The following ATXN7L1 variants were observed in gnomAD, a reference collection of about 807,000 sequenced individuals.
ATXN7L1 encodes ataxin 7 like 1.
A neutral mutation model predicts 70.8 loss-of-function variants in ATXN7L1; 15 were observed. The ratio of observed to expected loss-of-function variants is 0.21; its 90% confidence interval spans 0.14 to 0.33. The LOEUF is 0.33. Among genes scored for constraint, ATXN7L1 ranks in the 10% least tolerant of loss-of-function variants. The pLI is 1.00. For synonymous variants in ATXN7L1, 440 were observed against 445.1 expected, an observed-to-expected ratio of 0.99 and a Z score of 0.14; for missense variants, 975 against 1,097.1, an observed-to-expected ratio of 0.89 and a Z score of 1.57.
At position 105,846,357 on chromosome 7, in the gene ATXN7L1, T is replaced by C. The variant is rs74810802; in HGVS notation, c.250+29455A>G. ...TGGCCAATAGGTGCCATCAAGCACA[T>C]TAAAAGATGGTCAACATCATGTAGT... On this transcript the variant is annotated intron_variant, in intron 2 of 11. Transcript: ENST00000419735. 1.9e-3 allele frequency among the ~76,000 whole-genome samples: 283 copies of C among 152,054 alleles called. 7 individuals carry two copies. In the East Asian group the frequency reaches 0.051, roughly 27 times the overall value.
chr7:105,665,030 G>T (rs1802409415), intron 4 of ATXN7L1, 36 bp downstream of exon 4: 6 of 1,512,508 alleles, frequency 4.0e-6, no homozygotes, highest in African/African-American at 2.8e-5. Context: ...CAGCAGGGGG[G>T]ACAGACAGCA....
chr7:105,688,332 A>C (rs1186259031), intron 3 of ATXN7L1, among the ~76,000 whole-genome samples: 1 of 152,156 alleles, frequency 6.6e-6, no homozygotes, highest in Non-Finnish European at 1.5e-5. Flanking sequence ...GCTTGACCTC[A>C]GGAGTTTGAG....
In ATXN7L1 at chr7:105,679,151, G is replaced by T. The variant is rs1053690251; in HGVS notation, c.356-13863C>A. ...GATGTTTCCTGGCTCCTGGATGAGG[G>T]CCCTGGCCAGTCAGAACGCACCACT... On this transcript the variant is annotated intron_variant, in intron 3 of 11. Coordinates refer to ENST00000419735, the MANE Select transcript of ATXN7L1 (RefSeq NM_020725.2). The T allele has an allele frequency of 7.1e-6, 7 of 985,968 alleles. No individual in the cohort carries two copies. In the African/African-American group the frequency reaches 1.2e-4, roughly 17 times the overall value. The allele number at this position is 985,968 out of a possible 1,614,324, so 61.1% of individuals were successfully genotyped here.
chr7:105,610,542 C>G lies in ATXN7L1; in HGVS notation c.2534G>C (p.Gly845Ala). 6.4e-7 allele frequency: 1 copy of G among 1,551,114 alleles called. No homozygotes were observed. The highest frequency in any genetic ancestry group is 1.2e-5 in the South Asian group (1 of 84,012). Reference protein sequence around the residue: ...QSSPSSISSPGHSRQNTNRTG... With the variant: ...QSSPSSISSPAHSRQNTNRTG... ...TCAGTAACTTACCTGTCGGCTGTGTCCTGGGCTGGATATACTTGAAGGACT... is the reference window on the plus strand; with the variant it reads ...TCAGTAACTTACCTGTCGGCTGTGTGCTGGGCTGGATATACTTGAAGGACT... Residue 845 changes from glycine (G) to alanine (A), a missense_variant, in exon 11 of 12, where the codon GGA becomes GCA. Around this residue, in one of 5 missense-constraint regions of ATXN7L1, gnomAD observed 635 missense variants for 699.4 expected, o/e 0.91. Transcript: ENST00000419735.
chr7:105,690,582 G>C (rs551072112), intron 3 of ATXN7L1, among the ~76,000 whole-genome samples: 23 of 152,226 alleles, frequency 1.5e-4, no homozygotes, highest in African/African-American at 5.1e-4. Context: ...CTTCTTTTGC[G>C]ATTTGTTTAG....
chr7:105,620,720 C>A (rs950625055), intron 8 of ATXN7L1, among the ~76,000 whole-genome samples: 2 of 151,928 alleles, frequency 1.3e-5, no homozygotes, highest in African/African-American at 4.8e-5. Flanking sequence ...CATGGTGAAG[C>A]CCCGTTTCTA....
intron 2 of ATXN7L1, chr7:105,820,126 CAAAAAAAAAAA>C (rs562797891): frequency 3.4e-3 from 219 of 64,228 alleles, no homozygotes; most frequent in South Asian, 9.7e-3. Flanking sequence ...GTTTATTCCT[CAAAAAAAAAAA>C]AAAAAAAAAA....
intron 3 of ATXN7L1, among the ~76,000 whole-genome samples, chr7:105,774,854 A>G (rs888594499): frequency 1.8e-4 from 28 of 152,272 alleles, no homozygotes; most frequent in Admixed American, 1.8e-3. Context: ...ATCTTAGGAA[A>G]ATGCACCCCT....
intron 3 of ATXN7L1, among the ~76,000 whole-genome samples, chr7:105,784,259 C>T (rs182202787): frequency 1.9e-4 from 29 of 152,262 alleles, no homozygotes; most frequent in African/African-American, 3.4e-4. Flanking sequence ...CCACTGCGCC[C>T]GGCCCCAGCT....
Position 105,754,351 on chromosome 7 carries a change from G to T in ATXN7L1, c.355+34253C>A, listed in dbSNP as rs370370015. On this transcript the variant is annotated intron_variant, in intron 3 of 11. Coordinates refer to ENST00000419735, the MANE Select transcript of ATXN7L1 (RefSeq NM_020725.2). The stretch of plus-strand genomic sequence containing the variant: ...CTATCTCTTTTGCTTCAAGCTGTTT[G>T]TTAGTCTGGTCCCTTGTTTATTTGT... 2.0e-4 allele frequency among the ~76,000 whole-genome samples: 31 copies of T among 151,670 alleles called. 2 individuals carry two copies. The East Asian group carries it at 2.7e-3, about 13-fold the overall frequency.
chr7:105,707,111 A>G (rs1306163902), intron 3 of ATXN7L1, among the ~76,000 whole-genome samples: 16 of 152,160 alleles, frequency 1.1e-4, no homozygotes, highest in Admixed American at 1.0e-3. Flanking sequence ...TTTTCCAAAC[A>G]TCTCTAGTGG....
intron 3 of ATXN7L1, 37 bp downstream of exon 3, chr7:105,788,567 G>T (rs780712670): frequency 1.8e-5 from 27 of 1,517,582 alleles, no homozygotes; most frequent in Non-Finnish European, 2.4e-5. Flanking sequence ...CAGGGCGGCA[G>T]CTGCAGATGT....
chr7:105,801,069 A>C (rs1806746557), intron 2 of ATXN7L1, among the ~76,000 whole-genome samples: 1 of 152,158 alleles, frequency 6.6e-6, no homozygotes, highest in South Asian at 2.1e-4. Context: ...TGGGGTGGTA[A>C]TAATAGGGTA....
intron 3 of ATXN7L1, among the ~76,000 whole-genome samples, chr7:105,730,458 C>T (rs1010788628): frequency 3.9e-4 from 60 of 151,976 alleles, no homozygotes; most frequent in African/African-American, 1.4e-3. Context: ...AAGGGCCAGG[C>T]GTGGTGGCTC....
chr7:105,854,108 C>T (rs1351263445), intron 2 of ATXN7L1, among the ~76,000 whole-genome samples: 1 of 152,186 alleles, frequency 6.6e-6, no homozygotes, highest in Non-Finnish European at 1.5e-5. Context: ...CCTATAAGGC[C>T]GCGGCAGCCA....
At chr7:105,841,453 A>C (rs1377168253) in intron 2 of ATXN7L1, among the ~76,000 whole-genome samples, 1 of 152,214 alleles carries the variant, frequency 6.6e-6, no homozygotes, top group African/African-American at 2.4e-5. Flanking sequence ...GAAGTAAACA[A>C]TTCATAGGTT....
intron 3 of ATXN7L1, among the ~76,000 whole-genome samples, chr7:105,696,840 A>C (rs1791776552): frequency 2.0e-5 from 3 of 152,210 alleles, no homozygotes; most frequent in African/African-American, 7.2e-5. Flanking sequence ...GTTCTTTTCT[A>C]TTTTCCTAAG....
intron 3 of ATXN7L1, among the ~76,000 whole-genome samples, chr7:105,781,659 C>CT (rs151084209): frequency 4.2e-3 from 640 of 151,744 alleles, no homozygotes; most frequent in South Asian, 0.012. Flanking sequence ...AATTGTGAAA[C>CT]TTTTTTTTTA....
intron 3 of ATXN7L1, among the ~76,000 whole-genome samples, chr7:105,691,138 G>A (rs1259793314): frequency 2.0e-5 from 3 of 152,122 alleles, no homozygotes; most frequent in Admixed American, 6.5e-5. Flanking sequence ...GGCATGTTTT[G>A]GGTCACCAAA....
Sources: gnomAD v4.1 joint callset for allele counts (sites outside exome capture counted in the v4.1 genomes callset) on GRCh38, gnomAD v4.1.1 for gene constraint, gnomAD v4.1.1 regional missense constraint, MANE v1.5 for transcripts, NCBI Gene and HGNC (gene_info 2026-07-23, HGNC 2026-07-21) for gene names.